LRTM3: variants seen among roughly 807,000 people sequenced by gnomAD.
LRTM3 encodes leucine-rich repeat transmembrane protein 3.
the LRTM3 span, chr13:102,739,667 G>C: frequency 6.5e-7 from 1 of 1,550,318 alleles, no homozygotes; most frequent in Non-Finnish European, 8.7e-7. Flanking sequence ...AATGATGTTA[G>C]GGCTTTTTAT....
chr13:102,735,858 G>A, the LRTM3 span: 1 of 1,540,874 alleles, frequency 6.5e-7, no homozygotes, highest in South Asian at 1.2e-5. Flanking sequence ...GGAGGAGGAG[G>A]GAATGAAGCA....
the LRTM3 span, chr13:102,735,657 T>C: frequency 6.4e-7 from 1 of 1,551,322 alleles, no homozygotes; most frequent in Non-Finnish European, 8.7e-7. Flanking sequence ...AGTCCACCTT[T>C]CTCTTCTCCC....
At chr13:102,744,720 T>A in the LRTM3 span, 2 of 1,550,756 alleles carry the variant, frequency 1.3e-6, no homozygotes, top group Non-Finnish European at 1.7e-6. Flanking sequence ...TCTGTTAACA[T>A]TTTTTGAATA....
the LRTM3 span, chr13:102,738,361 T>G: frequency 6.4e-7 from 1 of 1,550,956 alleles, no homozygotes. Context: ...AGTATCTTGT[T>G]ATTTCAGTGA....
the LRTM3 span, chr13:102,758,671 G>A: frequency 2.0e-6 from 3 of 1,516,066 alleles, no homozygotes; most frequent in Non-Finnish European, 2.7e-6. Flanking sequence ...TTGAAAACTA[G>A]GAAAAGGGGA....
At chr13:102,730,021 C>T in the LRTM3 span, 1 of 1,551,614 alleles carries the variant, frequency 6.4e-7, no homozygotes, top group Non-Finnish European at 8.7e-7. Context: ...CACTAGATGA[C>T]CTAGACTGAA....
chr13:102,738,381 C>A, the LRTM3 span: 4 of 1,550,748 alleles, frequency 2.6e-6, no homozygotes, highest in Admixed American at 5.9e-5. Context: ...ACATACTCTG[C>A]TTTTTCTCTC....
the LRTM3 span, chr13:102,758,394 G>T: frequency 6.7e-7 from 1 of 1,493,598 alleles, no homozygotes; most frequent in Non-Finnish European, 9.1e-7. Context: ...AAATATTTTT[G>T]TGATATATCA....
the LRTM3 span, chr13:102,734,665 T>A: frequency 1.3e-6 from 2 of 1,551,208 alleles, no homozygotes; most frequent in Non-Finnish European, 1.7e-6. Context: ...ACTCTCTATG[T>A]ACAGTCTCCC....
chr13:102,732,362 G>T, the LRTM3 span: 1 of 1,551,180 alleles, frequency 6.4e-7, no homozygotes. Flanking sequence ...ACCACGCCCC[G>T]TGATATTAAG....
At chr13:102,739,226 A>G in the LRTM3 span, 1 of 1,550,438 alleles carries the variant, frequency 6.4e-7, no homozygotes. Context: ...TTTTCCATGC[A>G]GTAAATGTCT....
chr13:102,735,148 T>C, the LRTM3 span: 1 of 1,551,340 alleles, frequency 6.4e-7, no homozygotes, highest in Non-Finnish European at 8.7e-7. Context: ...CCTCTTGCTC[T>C]CTAGTTTTCC....
chr13:102,747,413 T>C, the LRTM3 span: 1 of 1,548,834 alleles, frequency 6.5e-7, no homozygotes, highest in Non-Finnish European at 8.7e-7. Flanking sequence ...GATTGCTGGC[T>C]TCTTTACTTT....
At chr13:102,746,883 CTGTT>C in the LRTM3 span, 3 of 1,551,244 alleles carry the variant, frequency 1.9e-6, no homozygotes, top group South Asian at 1.2e-5. Flanking sequence ...CATTTGCAGT[CTGTT>C]TGTGTTTTTT....
chr13:102,742,508 T>C, the LRTM3 span: 3 of 1,550,468 alleles, frequency 1.9e-6, no homozygotes, highest in Non-Finnish European at 1.7e-6. Flanking sequence ...TTGAAGTGGA[T>C]GTATCTTAGA....
At chr13:102,755,094 G>GA in the LRTM3 span, among the ~76,000 whole-genome samples, 1 of 152,086 alleles carries the variant, frequency 6.6e-6, no homozygotes, top group Non-Finnish European at 1.5e-5. Context: ...TTACTGAGAC[G>GA]ATACCTGGTC....
At chr13:102,747,492 T>C in the LRTM3 span, 1 of 1,550,258 alleles carries the variant, frequency 6.5e-7, no homozygotes, top group Non-Finnish European at 8.7e-7. Context: ...TCCTGCCTTT[T>C]AAAATATGGT....
chr13:102,758,465 A>T, the LRTM3 span: 1 of 1,539,742 alleles, frequency 6.5e-7, no homozygotes. Context: ...GAATAGGAAT[A>T]AAAAAGTCAC....
At chr13:102,734,067 C>T in the LRTM3 span, 1 of 1,551,448 alleles carries the variant, frequency 6.4e-7, no homozygotes, top group Non-Finnish European at 8.7e-7. Flanking sequence ...ACACATGCTT[C>T]ATCTTTATCT....
Sources: gnomAD v4.1 joint callset for allele counts (sites outside exome capture counted in the v4.1 genomes callset) on GRCh38, gnomAD v4.1.1 for gene constraint, MANE v1.5 for transcripts, NCBI Gene and HGNC (gene_info 2026-07-23, HGNC 2026-07-21) for gene names.